ZSWIM2: variants seen among roughly 807,000 people sequenced by gnomAD.
The protein encoded by ZSWIM2 is E3 ubiquitin-protein ligase ZSWIM2.
In ZSWIM2, 38 loss-of-function variants were observed where a neutral mutation model predicts 48.4. The observed-to-expected ratio is 0.79, with a 90% confidence interval of 0.61 to 1.03. ZSWIM2 has a LOEUF of 1.03. Ranked by LOEUF, ZSWIM2 falls within the 50% of genes least tolerant of loss-of-function variation. The pLI is 0.00. For missense variants in ZSWIM2, 776 were observed against 730.2 expected (o/e 1.06, Z -0.72); for synonymous variants, 240 against 251.3 (o/e 0.96, Z 0.42).
chr2:186,847,863 T>C (rs1252093599), intron 1 of ZSWIM2, 68 bp from the exon 2 acceptor site: 2 of 1,155,478 alleles, frequency 1.7e-6, no homozygotes, highest in South Asian at 1.4e-5. Flanking sequence ...ACTGAGTTAA[T>C]AAAAGAGATT....
At chr2:186,842,402 A>AT (rs1691921368) in intron 3 of ZSWIM2, among the ~76,000 whole-genome samples, 1 of 151,318 alleles carries the variant, frequency 6.6e-6, no homozygotes, top group Non-Finnish European at 1.5e-5. Flanking sequence ...AATACAAGAC[A>AT]CAAAAAATCT....
At chr2:186,840,516 A>G (rs1691886054) in intron 3 of ZSWIM2, among the ~76,000 whole-genome samples, 1 of 151,658 alleles carries the variant, frequency 6.6e-6, no homozygotes, top group Non-Finnish European at 1.5e-5. Flanking sequence ...ATAATATATG[A>G]GATGCTCTAA....
At chr2:186,840,182 A>G (rs1373743933) in intron 3 of ZSWIM2, among the ~76,000 whole-genome samples, 1 of 151,604 alleles carries the variant, frequency 6.6e-6, no homozygotes. Flanking sequence ...ACTTTGCGGA[A>G]GAAGGGCTAT....
chr2:186,832,093 G>A (rs1691709763), intron 7 of ZSWIM2, among the ~76,000 whole-genome samples: 1 of 151,246 alleles, frequency 6.6e-6, no homozygotes, highest in South Asian at 2.1e-4. Flanking sequence ...TATACAACAT[G>A]CTATATTTTC....
Position 186,847,801 on chromosome 2 carries a change from A to T in ZSWIM2, c.166-6T>A. 6.2e-7 allele frequency: 1 copy of T among 1,602,560 alleles called. No individual in the cohort carries two copies. Among genetic ancestry groups the T allele is most frequent in the Non-Finnish European group, 8.5e-7 (1 of 1,173,758 alleles). On this transcript the variant is annotated splice_region_variant and splice_polypyrimidine_tract_variant and intron_variant, in intron 1 of 8. Transcript: ENST00000295131. ...TGAGGATTTCCTAGAAAAACCTTTAAAGGAAAAATGCATACTTAAAAAGAC... is the reference window on the plus strand; with the variant it reads ...TGAGGATTTCCTAGAAAAACCTTTATAGGAAAAATGCATACTTAAAAAGAC...
At position 186,833,124 on chromosome 2, in the gene ZSWIM2, G is replaced by T; in HGVS notation, c.937C>A (p.Gln313Lys). 3 of 1,449,420 alleles carry T rather than the reference G, an allele frequency of 2.1e-6. No individual in the cohort carries two copies. Among genetic ancestry groups the T allele is most frequent in the Non-Finnish European group, 9.3e-7 (1 of 1,076,422 alleles). The allele number at this position is 1,449,420 out of a possible 1,614,324, so 89.8% of individuals were successfully genotyped here. A position where few individuals can be genotyped will look rare whatever the true frequency, so the allele number is the denominator to read the frequency against. The change falls in exon 7 of 9, where the codon CAA (glutamine) becomes AAA (lysine). Residue 313 changes from glutamine to lysine, a missense_variant. Transcript: ENST00000295131. ...EEKMSHFQEKQGQVYTPKHIV... is the reference protein window; with the variant it reads ...EEKMSHFQEKKGQVYTPKHIV... ...AAAATTTACTGGGAACCTCACCCTTGCTTTTCTTGAAAATGTGACATCTTT... is the reference window on the plus strand; with the variant it reads ...AAAATTTACTGGGAACCTCACCCTTTCTTTTCTTGAAAATGTGACATCTTT...
At chr2:186,841,879 A>G (rs1691908944) in intron 3 of ZSWIM2, among the ~76,000 whole-genome samples, 1 of 151,232 alleles carries the variant, frequency 6.6e-6, no homozygotes, top group Non-Finnish European at 1.5e-5. Flanking sequence ...TGAGGTTTTA[A>G]TTTTATTCAT....
rs866371431 is a variant in ZSWIM2 at position 186,847,102 on chromosome 2, C to T, written c.242+617G>A. Among the ~76,000 whole-genome samples, 35 of 151,902 alleles carry T rather than the reference C, an allele frequency of 2.3e-4. 1 individual carries two copies. The highest frequency in any genetic ancestry group is 2.1e-4 in the South Asian group (1 of 4,812). On this transcript the variant is annotated intron_variant, in intron 2 of 8. Coordinates refer to ENST00000295131, the MANE Select transcript of ZSWIM2 (RefSeq NM_182521.3). ...GTTCACTATTGGGGTGATTAGTACA[C>T]TATAAGTCCAGACTTCACCACTATG... is the stretch of plus-strand genomic sequence containing the variant.
In ZSWIM2 at chr2:186,837,375, C is replaced by T; in HGVS notation, c.674G>A (p.Arg225Lys). 2 of 1,613,074 alleles carry T rather than the reference C, an allele frequency of 1.2e-6. No homozygotes were observed. The highest frequency in any genetic ancestry group is 1.7e-6 in the Non-Finnish European group (2 of 1,179,354). ...GGGAATCCCAAGGTGTTTGTCCAGT[C>T]TCTCTTTTTCTGCTGCAGCTACTAG... ...SKLVAAAEKERLDKHLGIPCN... is the reference protein window; with the variant it reads ...SKLVAAAEKEKLDKHLGIPCN... The change falls in exon 5 of 9, where the codon AGA (arginine) becomes AAA (lysine). Residue 225 changes from arginine (R) to lysine (K), a missense_variant. Coordinates refer to ENST00000295131, the MANE Select transcript of ZSWIM2 (RefSeq NM_182521.3).
At chr2:186,841,344 C>A (rs1691899099) in intron 3 of ZSWIM2, among the ~76,000 whole-genome samples, 1 of 15,338 alleles carries the variant, frequency 6.5e-5, no homozygotes, top group African/African-American at 2.0e-4. Flanking sequence ...CTTAAATATG[C>A]TGTTAATATC....
At chr2:186,832,255 C>T (rs1691713402) in intron 7 of ZSWIM2, among the ~76,000 whole-genome samples, 1 of 151,674 alleles carries the variant, frequency 6.6e-6, no homozygotes, top group African/African-American at 2.4e-5. Context: ...GCTGGGATTA[C>T]AGGTATGTGC....
chr2:186,829,071 C>T (rs1454184365), intron 8 of ZSWIM2, among the ~76,000 whole-genome samples: 1 of 151,992 alleles, frequency 6.6e-6, no homozygotes, highest in Non-Finnish European at 1.5e-5. Context: ...CATTTCACTG[C>T]TACTTATTTC....
intron 3 of ZSWIM2, among the ~76,000 whole-genome samples, chr2:186,844,420 T>G (rs528995787): frequency 9.9e-5 from 15 of 151,752 alleles, no homozygotes; most frequent in African/African-American, 3.6e-4. Context: ...CAGAAACCAC[T>G]GTAACCTTTT....
chr2:186,830,185 G>A (rs918549292), intron 7 of ZSWIM2, among the ~76,000 whole-genome samples: 5 of 152,120 alleles, frequency 3.3e-5, no homozygotes, highest in African/African-American at 1.2e-4. Context: ...TTTGAGACCA[G>A]CCTGGCCAAC....
Position 186,847,789 on chromosome 2 carries a change from G to T in ZSWIM2, c.172C>A (p.Leu58Ile), listed in dbSNP as rs780879252. 2.5e-6 allele frequency: 4 copies of T among 1,600,210 alleles called. No individual in the cohort carries two copies. In the South Asian group the frequency reaches 4.5e-5, roughly 18 times the overall value. ...CAGTTACAAACGTGAGGATTTCCTA[G>T]AAAAACCTTTAAAGGAAAAATGCAT... ...EPEYMDFRVF[L>I]GNPHVCNCST... Residue 58 changes from leucine to isoleucine, a missense_variant, in exon 2 of 9, where the codon CTA becomes ATA. Physicochemically the swap from Leu to Ile is conservative, Grantham distance 5. Coordinates refer to ENST00000295131, the MANE Select transcript of ZSWIM2 (RefSeq NM_182521.3).
chr2:186,833,394 C>T (rs925664456), intron 6 of ZSWIM2, among the ~76,000 whole-genome samples, 162 bp from the exon 7 acceptor site: 10 of 152,030 alleles, frequency 6.6e-5, no homozygotes, highest in Non-Finnish European at 1.2e-4. Flanking sequence ...TTATTAGTCT[C>T]ATATTGTATT....
At chr2:186,828,832 G>T in intron 8 of ZSWIM2, 42 bp from the exon 9 acceptor site, 2 of 1,177,558 alleles carry the variant, frequency 1.7e-6, no homozygotes, top group Admixed American at 3.4e-5. Flanking sequence ...TACCAATCTT[G>T]TTTATAATAT....
Position 186,838,944 on chromosome 2 carries a change from G to GT in ZSWIM2, c.494+14_494+15insA. On this transcript the variant is annotated intron_variant, in intron 4 of 8. Coordinates refer to ENST00000295131, the MANE Select transcript of ZSWIM2 (RefSeq NM_182521.3). ...TTTTAATTAGTTTTAAGAATCTAAA[G>GT]AAAAAGTACATCACCTGCAAAAGGT... 6.3e-7 allele frequency: 1 copy of GT among 1,597,640 alleles called. No individual in the cohort carries two copies. Among genetic ancestry groups the GT allele is most frequent in the South Asian group, 1.1e-5 (1 of 88,434 alleles).
chr2:186,839,133 C>T lies in ZSWIM2; in HGVS notation c.320G>A (p.Ser107Asn). The change falls in exon 4 of 9, where the codon AGT (serine) becomes AAT (asparagine). Residue 107 changes from serine (S) to asparagine (N), a missense_variant. Ser to Asn is a conservative substitution (Grantham distance 46). Coordinates refer to ENST00000295131, the MANE Select transcript of ZSWIM2 (RefSeq NM_182521.3). ...LQLGLGEREI[S>N]DLLRGIHRVQ... ...TCGATGTATCCCCCGAAGCAAGTCACTTATCTCTCTTTCTCCAAGACCCAG... is the reference window on the plus strand; with the variant it reads ...TCGATGTATCCCCCGAAGCAAGTCATTTATCTCTCTTTCTCCAAGACCCAG... The T allele has an allele frequency of 6.2e-7, 1 of 1,611,540 alleles. No individual in the cohort carries two copies. Among genetic ancestry groups the T allele is most frequent in the East Asian group, 2.2e-5 (1 of 44,798 alleles).
Sources: gnomAD v4.1 joint callset for allele counts (sites outside exome capture counted in the v4.1 genomes callset) on GRCh38, gnomAD v4.1.1 for gene constraint, MANE v1.5 for transcripts, NCBI Gene and HGNC (gene_info 2026-07-23, HGNC 2026-07-21) for gene names.